IPO7: variants seen among roughly 807,000 people sequenced by gnomAD.
IPO7 encodes the protein importin-7.
Under a neutral mutation model 136.4 loss-of-function variants are expected in IPO7, and 13 were observed. That is an observed-to-expected ratio of 0.10 (90% CI 0.06 to 0.15). The LOEUF is 0.15. IPO7 is among the 10% of genes least tolerant of loss of function. The pLI is 1.00. For synonymous variants in IPO7, 403 were observed against 404.4 expected (o/e 1.00, Z 0.04); for missense variants, 857 against 1,240.6 (o/e 0.69, Z 4.65).
chr11:9,386,808 C>T (rs527673510), intron 1 of IPO7, among the ~76,000 whole-genome samples: 10 of 152,288 alleles, frequency 6.6e-5, no homozygotes, highest in Admixed American at 5.2e-4. Context: ...TTTTGGAATA[C>T]TGTCAAACAG....
chr11:9,438,705 C>T (rs1019774535), intron 22 of IPO7, among the ~76,000 whole-genome samples: 2 of 152,144 alleles, frequency 1.3e-5, no homozygotes, highest in Non-Finnish European at 2.9e-5. Context: ...CTTTCATTCA[C>T]AGAAAAGACT....
At chr11:9,415,581 G>A (rs1855029502) in intron 5 of IPO7, among the ~76,000 whole-genome samples, 1 of 152,182 alleles carries the variant, frequency 6.6e-6, no homozygotes, top group African/African-American at 2.4e-5. Flanking sequence ...GCTCACGCCT[G>A]TAATCCCAGC....
At chr11:9,422,713 T>A (rs1332702162) in intron 8 of IPO7, among the ~76,000 whole-genome samples, 1 of 151,992 alleles carries the variant, frequency 6.6e-6, no homozygotes, top group African/African-American at 2.4e-5. Context: ...TTTGGGAGGC[T>A]GAGATGGGAG....
At chr11:9,423,207 G>T in intron 9 of IPO7, 67 bp downstream of exon 9, 2 of 1,097,590 alleles carry the variant, frequency 1.8e-6, no homozygotes, top group South Asian at 3.7e-5. Context: ...TGCCATAAAG[G>T]TTGAAAAATT....
intron 16 of IPO7, among the ~76,000 whole-genome samples, 155 bp downstream of exon 16, chr11:9,431,158 G>C (rs1257019697): frequency 6.6e-6 from 1 of 152,122 alleles, no homozygotes; most frequent in Non-Finnish European, 1.5e-5. Flanking sequence ...TAAAGTATTA[G>C]TAGAAGGAAT....
At position 9,409,998 on chromosome 11, in the gene IPO7, G is replaced by A; in HGVS notation, c.391G>A (p.Asp131Asn). ...TCCAAGCCGCTGGACTGCCATTGTG[G>A]ACAAAATTGGCTTTTATCTTCAGTC... ...DYPSRWTAIV[D>N]KIGFYLQSDN... The change falls in exon 4 of 25, where the codon GAC becomes AAC. Residue 131 changes from aspartate (D) to asparagine (N), a missense_variant. Physicochemically the swap from Asp to Asn is conservative, Grantham distance 23 (BLOSUM62 1). Around this residue, in one of 11 missense-constraint regions of IPO7, gnomAD observed 287 missense variants for 307.5 expected, o/e 0.93. Coordinates refer to ENST00000379719, the MANE Select transcript of IPO7 (RefSeq NM_006391.3). The A allele has an allele frequency of 1.2e-6, 2 of 1,608,080 alleles. No individual in the cohort carries two copies.
chr11:9,423,158 A>G lies in IPO7; in HGVS notation c.1041+18A>G, dbSNP rs1371795447. On this transcript the variant is annotated intron_variant, in intron 9 of 24. Transcript: ENST00000379719. The stretch of plus-strand genomic sequence containing the variant: ...ATATACAAGTAATAATTTTTATCTG[A>G]AATGTTTTTATAGTAAATATAATAG... The G allele has an allele frequency of 6.7e-7, 1 of 1,503,568 alleles. No individual in the cohort carries two copies. Among genetic ancestry groups the G allele is most frequent in the South Asian group, 1.2e-5 (1 of 82,442 alleles). 93.1% of individuals were successfully genotyped at this position (1,503,568 alleles called of 1,614,324 possible). A position where few individuals can be genotyped will look rare whatever the true frequency, so the allele number is the denominator to read the frequency against.
chr11:9,424,683 C>T (rs1855179286), intron 10 of IPO7, among the ~76,000 whole-genome samples: 1 of 152,146 alleles, frequency 6.6e-6, no homozygotes, highest in African/African-American at 2.4e-5. Context: ...ATGGAGGTTA[C>T]AATGAGCCGA....
Position 9,397,341 on chromosome 11 carries a change from A to AAAAAAAAAAATATAT in IPO7, c.85-5948_85-5947insAAAAAAAAATATATA. Among the ~76,000 whole-genome samples the AAAAAAAAAAATATAT allele has an allele frequency of 9.3e-4, 10 of 10,762 alleles. 1 individual carries two copies. The highest frequency in any genetic ancestry group is 1.1e-3 in the Non-Finnish European group (6 of 5,460). 7.1% of individuals were successfully genotyped at this position (10,762 alleles called of 152,430 possible). ...CTTTACTAAAAATAATTTAAAAAAA[A>AAAAAAAAAAATATAT]ATATATATATATATATATATATATT... On this transcript the variant is annotated intron_variant, in intron 1 of 24. Coordinates refer to ENST00000379719, the MANE Select transcript of IPO7 (RefSeq NM_006391.3).
chr11:9,397,341 A>AAAAAAATATATATAT lies in IPO7; in HGVS notation c.85-5948_85-5947insAAAAATATATATATA. ...CTTTACTAAAAATAATTTAAAAAAA[A>AAAAAAATATATATAT]ATATATATATATATATATATATATT... On this transcript the variant is annotated intron_variant, in intron 1 of 24. Transcript: ENST00000379719. Among the ~76,000 whole-genome samples, 103 of 10,760 alleles carry AAAAAAATATATATAT rather than the reference A, an allele frequency of 9.6e-3. 7 individuals carry two copies. The highest frequency in any genetic ancestry group is 0.016 in the Non-Finnish European group (88 of 5,458). 7.1% of individuals were successfully genotyped at this position (10,760 alleles called of 152,430 possible). A position where few individuals can be genotyped will look rare whatever the true frequency, so the allele number is the denominator to read the frequency against.
intron 1 of IPO7, chr11:9,392,171 CTTTTTTTTTT>C (rs59866244): frequency 2.2e-3 from 407 of 185,022 alleles, no homozygotes; most frequent in Non-Finnish European, 3.4e-3. Context: ...TTGTCAAATT[CTTTTTTTTTT>C]TTTTTTTTTT....
chr11:9,399,917 T>C (rs1854768957), intron 1 of IPO7, among the ~76,000 whole-genome samples: 1 of 152,186 alleles, frequency 6.6e-6, no homozygotes, highest in Admixed American at 6.6e-5. Flanking sequence ...GATCCTCCTT[T>C]TGATTCTTCA....
At chr11:9,391,224 C>T (rs991826880) in intron 1 of IPO7, among the ~76,000 whole-genome samples, 2 of 151,390 alleles carry the variant, frequency 1.3e-5, no homozygotes, top group Admixed American at 6.6e-5. Flanking sequence ...ATAGTGAAAC[C>T]CCGTCTCTAC....
At chr11:9,409,842 G>T (rs1699091629) in intron 3 of IPO7, 86 bp from the exon 4 acceptor site, 1 of 973,704 alleles carries the variant, frequency 1.0e-6, no homozygotes, top group African/African-American at 1.7e-5. Flanking sequence ...ATTAGATTTT[G>T]TCTAAACAGC....
rs1855270675 is a variant in IPO7 at position 9,430,028 on chromosome 11, T to C, written c.1752+194T>C. 1.3e-5 allele frequency among the ~76,000 whole-genome samples: 2 copies of C among 152,146 alleles called. 1 individual carries two copies. The highest frequency in any genetic ancestry group is 4.1e-4 in the South Asian group (2 of 4,824). On this transcript the variant is annotated intron_variant, in intron 15 of 24. Coordinates refer to ENST00000379719, the MANE Select transcript of IPO7 (RefSeq NM_006391.3). ...TTTGGGATGAAACTGTTCCACCTCT[T>C]ATCAGACAGGCAATGGTTTCTCATA...
At chr11:9,414,618 T>TA in intron 5 of IPO7, 1 of 200,838 alleles carries the variant, frequency 5.0e-6, no homozygotes, top group East Asian at 1.2e-4. Flanking sequence ...CCCTAATGAA[T>TA]CTTTTTTTTT....
At chr11:9,395,726 CT>C (rs1005090369) in intron 1 of IPO7, among the ~76,000 whole-genome samples, 13 of 151,412 alleles carry the variant, frequency 8.6e-5, no homozygotes, top group African/African-American at 2.2e-4. Context: ...TAAAGTTATG[CT>C]TTTTTTTGAG....
chr11:9,429,234 GCCAGGTGCGGTAGGTCACA>G, intron 14 of IPO7, 38 bp downstream of exon 14: 1 of 1,553,688 alleles, frequency 6.4e-7, no homozygotes, highest in Non-Finnish European at 8.8e-7. Context: ...GTGAATGTTG[GCCAGGTGCGGTAGGTCACA>G]CCTGTAATCT....
Position 9,415,430 on chromosome 11 carries a change from G to A in IPO7, c.636+1019G>A, listed in dbSNP as rs74383344. On this transcript the variant is annotated intron_variant, in intron 5 of 24. Coordinates refer to ENST00000379719, the MANE Select transcript of IPO7 (RefSeq NM_006391.3). ...TACATAGATTGTCTCAGTACAAAAC[G>A]TATTCCTAAACTTGTCGCAAAAATA... Among the ~76,000 whole-genome samples, 1,184 of 152,212 alleles carry A rather than the reference G, an allele frequency of 7.8e-3. 33 individuals carry two copies. In the East Asian group the frequency reaches 0.098, roughly 13 times the overall value.
Sources: gnomAD v4.1 joint callset for allele counts (sites outside exome capture counted in the v4.1 genomes callset) on GRCh38, gnomAD v4.1.1 for gene constraint, gnomAD v4.1.1 regional missense constraint, MANE v1.5 for transcripts, NCBI Gene and HGNC (gene_info 2026-07-23, HGNC 2026-07-21) for gene names.